Variants in FOXK1 observed in about 807,000 individuals in gnomAD.
FOXK1 encodes the protein forkhead box K1, also known as forkhead box protein K1.
A neutral mutation model predicts 51.9 loss-of-function variants in FOXK1; 19 were observed. That is an observed-to-expected ratio of 0.37 (90% confidence interval 0.26 to 0.54). The LOEUF (loss-of-function observed/expected upper bound fraction) is 0.54. FOXK1 is among the 20% of genes least tolerant of loss of function. FOXK1 has a pLI of 0.87. For synonymous variants in FOXK1, 537 were observed against 482.6 expected (o/e 1.11, Z -1.48); for missense variants, 870 against 1,032.7 (o/e 0.84, Z 2.16).
At chr7:4,700,020 G>A (rs575148516) in intron 1 of FOXK1, among the ~76,000 whole-genome samples, 5 of 152,222 alleles carry the variant, frequency 3.3e-5, no homozygotes, top group East Asian at 1.9e-4. Context: ...GGAAAGAAAC[G>A]CCTGTGAAGC....
In FOXK1 at chr7:4,759,673, T is replaced by C. The variant is rs1780906253; in HGVS notation, c.1696+78T>C. The stretch of plus-strand genomic sequence containing the variant: ...CCGGCAAGTCCCCAAGGCAGCGCCA[T>C]TGGCCTGGGCCTGGGGCTTGAGGAG... On this transcript the variant is annotated intron_variant, in intron 7 of 8. Transcript: ENST00000328914. 3 of 1,456,996 alleles carry C rather than the reference T, an allele frequency of 2.1e-6. No individual in the cohort carries two copies. In the South Asian group the frequency reaches 4.1e-5, roughly 20 times the overall value. 90.3% of individuals were successfully genotyped at this position (1,456,996 alleles called of 1,614,324 possible).
intron 1 of FOXK1, among the ~76,000 whole-genome samples, chr7:4,690,727 T>C (rs145358921): frequency 2.4e-4 from 36 of 152,358 alleles, no homozygotes; most frequent in Middle Eastern, 3.4e-3. Context: ...TATTTAGTAC[T>C]TTTGAAAAAG....
intron 1 of FOXK1, among the ~76,000 whole-genome samples, chr7:4,712,879 T>G (rs1382673521): frequency 6.6e-6 from 1 of 152,250 alleles, no homozygotes; most frequent in Non-Finnish European, 1.5e-5. Flanking sequence ...CTCTCTGTTC[T>G]GTTTATTTCC....
At chr7:4,720,731 T>C (rs1780297795) in intron 1 of FOXK1, among the ~76,000 whole-genome samples, 1 of 148,882 alleles carries the variant, frequency 6.7e-6, no homozygotes, top group Non-Finnish European at 1.5e-5. Flanking sequence ...TGAGACAGAG[T>C]CTCTGTTGCC....
intron 2 of FOXK1, among the ~76,000 whole-genome samples, chr7:4,750,153 G>A (rs145327901): frequency 6.3e-4 from 96 of 152,350 alleles, no homozygotes; most frequent in African/African-American, 2.2e-3. Flanking sequence ...GGGGTGAGCT[G>A]CTTACTGTGC....
rs1485989961 is a variant in FOXK1, at chr7:4,759,032, G to A, written c.1245-19G>A. 1 of 1,573,036 alleles carries A rather than the reference G, an allele frequency of 6.4e-7. No homozygotes were observed. Among genetic ancestry groups the A allele is most frequent in the African/African-American group, 1.3e-5 (1 of 74,158 alleles). On this transcript the variant is annotated intron_variant, in intron 5 of 8. Coordinates refer to ENST00000328914, the MANE Select transcript of FOXK1 (RefSeq NM_001037165.2). ...CTCAGCGCGGGCGCTGACTGCCGCG[G>A]CCCTTGCCTGTCTTCCAGGAGCGCT...
chr7:4,759,509 G>A lies in FOXK1; in HGVS notation c.1610G>A (p.Gly537Glu), dbSNP rs1181394727. The A allele has an allele frequency of 1.9e-6, 3 of 1,574,750 alleles. No individual in the cohort carries two copies. The highest frequency in any genetic ancestry group is 2.6e-6 in the Non-Finnish European group (3 of 1,166,512). Residue 537 changes from glycine (G) to glutamate (E), a missense_variant, in exon 7 of 9, where the codon GGA (glycine) becomes GAA (glutamate). Gly to Glu is a moderately conservative substitution (Grantham distance 98). Transcript: ENST00000328914. ...VVTTSANSANGYILTSQGAAG... is the reference protein window; with the variant it reads ...VVTTSANSANEYILTSQGAAG... Reference sequence around the variant, plus strand: ...ACCACATCTGCCAACTCGGCCAACGGATACATCCTCACCAGCCAGGGCGCG... The same window carrying A: ...ACCACATCTGCCAACTCGGCCAACGAATACATCCTCACCAGCCAGGGCGCG...
intron 1 of FOXK1, among the ~76,000 whole-genome samples, chr7:4,691,542 G>T (rs1779891475): frequency 6.6e-6 from 1 of 151,848 alleles, no homozygotes; most frequent in Non-Finnish European, 1.5e-5. Context: ...TACTGTGTCG[G>T]CCAGGCTGGT....
At chr7:4,737,912 C>T (rs544036101) in intron 1 of FOXK1, among the ~76,000 whole-genome samples, 4 of 152,246 alleles carry the variant, frequency 2.6e-5, no homozygotes, top group African/African-American at 9.6e-5. Context: ...CACCTGAGGT[C>T]GGGAGTTCCA....
chr7:4,734,018 C>T lies in FOXK1; in HGVS notation c.561-6820C>T, dbSNP rs1780515132. Among the ~76,000 whole-genome samples the T allele has an allele frequency of 6.6e-6, 1 of 152,216 alleles. No individual in the cohort carries two copies. The highest frequency in any genetic ancestry group is 2.4e-5 in the African/African-American group (1 of 41,460). On this transcript the variant is annotated intron_variant, in intron 1 of 8. Coordinates refer to ENST00000328914, the MANE Select transcript of FOXK1 (RefSeq NM_001037165.2). This position sits in a 1 kb window ranked among gnomAD's most constrained non-coding sequence, Gnocchi z 5.2. Reference sequence around the variant, plus strand: ...TCCACGTGCCGTGGGTGAAGCTTCACCTGGCGCAGGGAAGGCCATCAGACT... The same window carrying T: ...TCCACGTGCCGTGGGTGAAGCTTCATCTGGCGCAGGGAAGGCCATCAGACT...
intron 1 of FOXK1, among the ~76,000 whole-genome samples, chr7:4,718,392 C>G (rs149272967): frequency 6.6e-6 from 1 of 152,208 alleles, no homozygotes; most frequent in East Asian, 1.9e-4. Context: ...CGGGCTCGTC[C>G]GCAGCTCAGG....
intron 1 of FOXK1, among the ~76,000 whole-genome samples, chr7:4,689,948 A>C (rs772116723): frequency 5.3e-5 from 8 of 152,202 alleles, no homozygotes; most frequent in Non-Finnish European, 1.0e-4. Context: ...CACTTGGGAC[A>C]AGAAAGGGTG....
chr7:4,740,817 C>G (rs781457170), intron 1 of FOXK1, 21 bp from the exon 2 acceptor site: 7 of 1,588,388 alleles, frequency 4.4e-6, no homozygotes, highest in Non-Finnish European at 2.6e-6. Flanking sequence ...CACCTCACAC[C>G]CGCTCCTCCT....
intron 1 of FOXK1, among the ~76,000 whole-genome samples, chr7:4,714,527 C>T (rs1204997372): frequency 1.3e-5 from 2 of 152,172 alleles, no homozygotes; most frequent in Admixed American, 6.5e-5. Flanking sequence ...CGCCCACCTC[C>T]GCCTCCCAGA....
chr7:4,750,423 G>A (rs1332853389), intron 2 of FOXK1, among the ~76,000 whole-genome samples: 2 of 151,802 alleles, frequency 1.3e-5, no homozygotes, highest in East Asian at 1.9e-4. Context: ...ATGTGTGCAC[G>A]TGTATGCCGT....
chr7:4,761,811 T>TTGGGGTGC lies in FOXK1; in HGVS notation c.1922-364_1922-357dup, dbSNP rs1455103894. On this transcript the variant is annotated intron_variant, in intron 8 of 8. Coordinates refer to ENST00000328914, the MANE Select transcript of FOXK1 (RefSeq NM_001037165.2). The surrounding 1 kb of genome is among the most constrained non-coding windows in gnomAD (Gnocchi z 6.2). ...CAAGAGGTCAAAGGAAGGAGGAGAG[T>TTGGGGTGC]TGGGGTGCTGGGGTGCAAGGGTGCT... Among the ~76,000 whole-genome samples, 2 of 150,836 alleles carry TTGGGGTGC rather than the reference T, an allele frequency of 1.3e-5. No individual in the cohort carries two copies. The highest frequency in any genetic ancestry group is 4.9e-5 in the African/African-American group (2 of 40,884).
At position 4,709,706 on chromosome 7, in the gene FOXK1, C is replaced by T. The variant is rs958988599; in HGVS notation, c.560+26838C>T. ...ACAAAACGTCAAATTGCGTTTTACG[C>T]CATTGGTTTGGACCCTGGAGCAGTG... On this transcript the variant is annotated intron_variant, in intron 1 of 8. Transcript: ENST00000328914. The surrounding 1 kb of genome is among the most constrained non-coding windows in gnomAD (Gnocchi z 5.6). Among the ~76,000 whole-genome samples the T allele has an allele frequency of 6.6e-5, 10 of 152,200 alleles. No individual in the cohort carries two copies. Among genetic ancestry groups the T allele is most frequent in the Admixed American group, 2.0e-4 (3 of 15,278 alleles).
Position 4,743,441 on chromosome 7 carries a change from T to C in FOXK1, c.746+2418T>C, listed in dbSNP as rs529110602. ...GCCATATGTCTGTAATCCCAGCTAC[T>C]CGGGAGGCTGAGGCAGGAGACTGGC... On this transcript the variant is annotated intron_variant, in intron 2 of 8. Coordinates refer to ENST00000328914, the MANE Select transcript of FOXK1 (RefSeq NM_001037165.2). This position sits in a 1 kb window ranked among gnomAD's most constrained non-coding sequence, Gnocchi z 5.3. Among the ~76,000 whole-genome samples, 3 of 152,134 alleles carry C rather than the reference T, an allele frequency of 2.0e-5. No homozygotes were observed. The East Asian group carries it at 5.8e-4, about 29-fold the overall frequency.
chr7:4,705,950 ATATATATATGTATATATATATACG>A (rs1316456078), intron 1 of FOXK1, among the ~76,000 whole-genome samples: 4 of 129,608 alleles, frequency 3.1e-5, no homozygotes, highest in East Asian at 2.0e-4. Context: ...TCAAAATTAT[ATATATATATGTATATATATATACG>A]TATATATACG....
Sources: allele counts gnomAD v4.1 joint callset (sites outside exome capture counted in the v4.1 genomes callset), GRCh38; gene constraint gnomAD v4.1.1; non-coding constraint Gnocchi (gnomAD v3.1); transcripts MANE v1.5; gene names NCBI Gene and HGNC (gene_info 2026-07-23, HGNC 2026-07-21).